The following ANKS1B variants were observed in gnomAD, a reference collection of about 807,000 sequenced individuals.
ANKS1B encodes the protein ankyrin repeat and sterile alpha motif domain containing 1B, also known as ankyrin repeat and sterile alpha motif domain-containing protein 1B.
In ANKS1B, 36 loss-of-function variants were observed where a neutral mutation model predicts 148.3. The observed-to-expected ratio is 0.24, with a 90% CI of 0.19 to 0.32. The LOEUF is 0.32. Among genes scored for constraint, ANKS1B ranks in the 10% least tolerant of loss-of-function variants. The pLI is 1.00. For synonymous variants in ANKS1B, 542 were observed against 560.8 expected (o/e 0.97, Z 0.47); for missense variants, 1,157 against 1,542.6 (o/e 0.75, Z 4.19).
At chr12:99,004,249 G>A (rs1226236912) in intron 17 of ANKS1B, among the ~76,000 whole-genome samples, 1 of 152,050 alleles carries the variant, frequency 6.6e-6, no homozygotes, top group African/African-American at 2.4e-5. Flanking sequence ...CTGTACATAG[G>A]GCTTTCTGTT....
intron 17 of ANKS1B, among the ~76,000 whole-genome samples, chr12:98,870,319 T>A (rs2099651060): frequency 6.6e-6 from 1 of 152,202 alleles, no homozygotes; most frequent in African/African-American, 2.4e-5. Flanking sequence ...GCAGCTATCT[T>A]CAGTAATACA....
chr12:99,445,919 C>T (rs948136658), intron 10 of ANKS1B, among the ~76,000 whole-genome samples: 13 of 151,784 alleles, frequency 8.6e-5, no homozygotes, highest in African/African-American at 3.1e-4. Context: ...AATGGGGTTT[C>T]GCCATATTGC....
At chr12:98,980,495 C>A (rs561183359) in intron 17 of ANKS1B, among the ~76,000 whole-genome samples, 1 of 152,170 alleles carries the variant, frequency 6.6e-6, no homozygotes, top group Non-Finnish European at 1.5e-5. Context: ...TGTGAGCCAC[C>A]GCGCCCGGCC....
At chr12:99,323,645 T>C (rs759379052) in intron 12 of ANKS1B, among the ~76,000 whole-genome samples, 17 of 151,824 alleles carry the variant, frequency 1.1e-4, no homozygotes, top group Non-Finnish European at 2.4e-4. Flanking sequence ...AAATAATCAT[T>C]TCATTTTGTC....
At chr12:99,738,306 G>A (rs2059795225) in intron 8 of ANKS1B, among the ~76,000 whole-genome samples, 1 of 152,058 alleles carries the variant, frequency 6.6e-6, no homozygotes, top group Admixed American at 6.6e-5. Context: ...TCCTCCATCT[G>A]TTATTCCCAC....
intron 14 of ANKS1B, among the ~76,000 whole-genome samples, chr12:99,171,110 G>A (rs1028224085): frequency 7.9e-5 from 12 of 152,202 alleles, no homozygotes; most frequent in Admixed American, 3.9e-4. Flanking sequence ...AGGTATAGGA[G>A]CTAGGAGTGA....
chr12:99,563,621 T>C (rs1597160322), intron 9 of ANKS1B, among the ~76,000 whole-genome samples: 2 of 152,152 alleles, frequency 1.3e-5, no homozygotes, highest in East Asian at 3.9e-4. Context: ...ATAACAGATA[T>C]AATAAAATGA....
At chr12:99,759,312 C>T (rs1313085353) in intron 8 of ANKS1B, among the ~76,000 whole-genome samples, 1 of 151,856 alleles carries the variant, frequency 6.6e-6, no homozygotes, top group East Asian at 1.9e-4. Flanking sequence ...TTGAAGCAGG[C>T]CACACTGTAT....
At chr12:99,951,902 A>G (rs957724202) in intron 1 of ANKS1B, among the ~76,000 whole-genome samples, 4 of 152,146 alleles carry the variant, frequency 2.6e-5, no homozygotes, top group African/African-American at 9.7e-5. Context: ...GGTATTAGGT[A>G]GGACAGGGAC....
intron 8 of ANKS1B, among the ~76,000 whole-genome samples, chr12:99,692,613 G>A (rs1225311789): frequency 1.3e-5 from 2 of 148,360 alleles, no homozygotes; most frequent in Non-Finnish European, 3.0e-5. Flanking sequence ...AGAGGTTGCA[G>A]CAAGCTGAGA....
At chr12:99,230,635 G>T (rs2086689016) in intron 14 of ANKS1B, among the ~76,000 whole-genome samples, 1 of 152,048 alleles carries the variant, frequency 6.6e-6, no homozygotes, top group African/African-American at 2.4e-5. Flanking sequence ...TTTATATTAT[G>T]CATGTTATTT....
chr12:99,638,333 G>GA (rs201613512), intron 9 of ANKS1B, among the ~76,000 whole-genome samples: 1,619 of 152,308 alleles, frequency 0.011, 34 homozygotes, highest in African/African-American at 0.037. Flanking sequence ...GCTTCCTAGA[G>GA]ACTTGCTGAA....
chr12:99,487,026 A>G (rs913339050), intron 10 of ANKS1B, among the ~76,000 whole-genome samples: 3 of 152,276 alleles, frequency 2.0e-5, no homozygotes, highest in Admixed American at 1.3e-4. Context: ...AGGCCTATCA[A>G]ATGCACCAGG....
chr12:99,579,716 TAC>T (rs1393435188), intron 9 of ANKS1B, among the ~76,000 whole-genome samples: 2 of 152,146 alleles, frequency 1.3e-5, no homozygotes, highest in East Asian at 3.9e-4. Flanking sequence ...CTTGCAAAGT[TAC>T]AGAGAAAAGG....
chr12:99,127,535 T>C (rs569806709), intron 15 of ANKS1B, among the ~76,000 whole-genome samples: 9 of 152,318 alleles, frequency 5.9e-5, no homozygotes, highest in South Asian at 2.1e-4. Flanking sequence ...AAAAGTGTAA[T>C]GTTCGCTTTA....
At chr12:99,147,164 A>C (rs1286106533) in intron 15 of ANKS1B, among the ~76,000 whole-genome samples, 1 of 152,136 alleles carries the variant, frequency 6.6e-6, no homozygotes, top group Non-Finnish European at 1.5e-5. Flanking sequence ...GTACCCCTGT[A>C]AGATAAGTTT....
chr12:99,836,077 T>C (rs1261928721), intron 1 of ANKS1B, among the ~76,000 whole-genome samples: 1 of 152,168 alleles, frequency 6.6e-6, no homozygotes, highest in Admixed American at 6.5e-5. Context: ...ACTATAAAGC[T>C]TAAAAATGCA....
chr12:99,522,257 C>T (rs972287166), intron 9 of ANKS1B, among the ~76,000 whole-genome samples: 3 of 152,112 alleles, frequency 2.0e-5, no homozygotes, highest in African/African-American at 7.2e-5. Flanking sequence ...GATGTCCAGT[C>T]CCTGAATCCC....
intron 2 of ANKS1B, among the ~76,000 whole-genome samples, chr12:99,820,943 T>C (rs141113784): frequency 1.3e-3 from 198 of 152,092 alleles, no homozygotes; most frequent in African/African-American, 4.5e-3. Context: ...TGTTTCTCCA[T>C]CTATAAAATG....
Sources: allele counts gnomAD v4.1 joint callset (sites outside exome capture counted in the v4.1 genomes callset), GRCh38; gene constraint gnomAD v4.1.1; transcripts MANE v1.5; gene names NCBI Gene and HGNC (gene_info 2026-07-23, HGNC 2026-07-21).